EYS: variants seen among roughly 807,000 people sequenced by gnomAD.
The protein encoded by EYS is protein eyes shut homolog.
In EYS, 250 loss-of-function variants were observed where a neutral mutation model predicts 282.1. That is an observed-to-expected ratio of 0.89 (90% CI 0.80 to 0.98). The LOEUF (loss-of-function observed/expected upper bound fraction) is 0.98. Among genes scored for constraint, EYS ranks in the 50% least tolerant of loss-of-function variants. EYS has a pLI of 0.00. For synonymous variants in EYS, 1,355 were observed against 1,282.9 expected, an observed-to-expected ratio of 1.06 and a Z score of -1.20; for missense variants, 4,016 against 3,709.0, an observed-to-expected ratio of 1.08 and a Z score of -2.15.
chr6:65,230,905 T>C (rs1354402608), intron 12 of EYS, among the ~76,000 whole-genome samples: 1 of 151,274 alleles, frequency 6.6e-6, no homozygotes, highest in East Asian at 1.9e-4. Flanking sequence ...GTTTTACTTT[T>C]ACTGGCAGTA....
chr6:64,054,292 G>A (rs1770910173), intron 33 of EYS, among the ~76,000 whole-genome samples: 1 of 152,144 alleles, frequency 6.6e-6, no homozygotes, highest in South Asian at 2.1e-4. Context: ...CTAGCTTTCA[G>A]AAGGTGAATG....
In EYS at chr6:65,405,180, T is replaced by A. The variant is rs373412160; in HGVS notation, c.1050A>T (p.Ile350=). 6.2e-7 allele frequency: 1 copy of A among 1,610,828 alleles called. No individual in the cohort carries two copies. Among genetic ancestry groups the A allele is most frequent in the Non-Finnish European group, 8.5e-7 (1 of 1,177,448 alleles). Residue 350 remains isoleucine, a synonymous_variant, in exon 6 of 43, where the codon ATA becomes ATT. Transcript: ENST00000503581. ...PCQNGTDCIK[I]SNDVMCICSP... ...ATGTTAGATTGAGACTTACATTTGA[T>A]ATTTTGATGCAGTCAGTACCATTCT...
intron 2 of EYS, among the ~76,000 whole-genome samples, chr6:65,509,472 A>G (rs1259853934): frequency 6.6e-6 from 1 of 152,174 alleles, no homozygotes; most frequent in Non-Finnish European, 1.5e-5. Flanking sequence ...AATTATGTCA[A>G]ACATCTTTTT....
At chr6:65,214,158 CAAAAAAAAAAAAAAAAA>C (rs58213904) in intron 12 of EYS, among the ~76,000 whole-genome samples, 12 of 29,254 alleles carry the variant, frequency 4.1e-4, no homozygotes, top group South Asian at 3.3e-3. Context: ...GACTCCGTCT[CAAAAAAAAAAAAAAAAA>C]AAAAAAAAAA....
At chr6:65,592,018 A>G (rs1013944688) in intron 2 of EYS, among the ~76,000 whole-genome samples, 1 of 151,950 alleles carries the variant, frequency 6.6e-6, no homozygotes, top group Non-Finnish European at 1.5e-5. Flanking sequence ...GCAGTAACTT[A>G]TAATCAACTA....
chr6:63,794,161 A>G (rs1451794792), intron 37 of EYS, among the ~76,000 whole-genome samples: 2 of 152,228 alleles, frequency 1.3e-5, no homozygotes, highest in East Asian at 3.8e-4. Flanking sequence ...TCTAAGGATT[A>G]AGTGAGATTT....
In EYS at chr6:64,806,714, G is replaced by GA. The variant is rs982245830; in HGVS notation, c.3443+6663dup. On this transcript the variant is annotated intron_variant, in intron 22 of 42. Coordinates refer to ENST00000503581, the MANE Select transcript of EYS (RefSeq NM_001142800.2). ...AACGACCAAGGAGAATCAAGTCTGG[G>GA]AAAAAAAAATCATATAAGATTAAAG... is the stretch of plus-strand genomic sequence containing the variant. 2.8e-3 allele frequency among the ~76,000 whole-genome samples: 422 copies of GA among 150,426 alleles called. 3 individuals are homozygous for GA. The highest frequency in any genetic ancestry group is 9.4e-3 in the African/African-American group (385 of 41,074).
chr6:64,794,747 T>C (rs551999785), intron 22 of EYS, among the ~76,000 whole-genome samples: 2 of 152,286 alleles, frequency 1.3e-5, no homozygotes, highest in South Asian at 4.1e-4. Context: ...GTGGCCATTG[T>C]TTTTATTCCT....
intron 22 of EYS, among the ~76,000 whole-genome samples, chr6:64,654,818 A>G: frequency 6.6e-6 from 1 of 152,188 alleles, no homozygotes; most frequent in East Asian, 1.9e-4. Context: ...GGACAGCTAT[A>G]CATTATTAAC....
At chr6:64,190,201 A>G (rs1423156510) in intron 31 of EYS, among the ~76,000 whole-genome samples, 1 of 152,188 alleles carries the variant, frequency 6.6e-6, no homozygotes, top group Non-Finnish European at 1.5e-5. Flanking sequence ...CAACCCCTCC[A>G]TAGGAAAGCT....
At chr6:64,427,987 T>C (rs1309398985) in intron 28 of EYS, among the ~76,000 whole-genome samples, 1 of 152,120 alleles carries the variant, frequency 6.6e-6, no homozygotes, top group African/African-American at 2.4e-5. Context: ...CATCTATTGA[T>C]TCAGTAAACT....
At chr6:65,015,091 G>A (rs1771998321) in intron 13 of EYS, among the ~76,000 whole-genome samples, 1 of 152,152 alleles carries the variant, frequency 6.6e-6, no homozygotes, top group East Asian at 1.9e-4. Flanking sequence ...GTCTTCAGAA[G>A]CAACACAACC....
intron 33 of EYS, among the ~76,000 whole-genome samples, chr6:64,026,123 CAG>C (rs1158805018): frequency 6.6e-6 from 1 of 152,088 alleles, no homozygotes; most frequent in African/African-American, 2.4e-5. Flanking sequence ...TCAGTAGGGT[CAG>C]GGACCGTTGT....
At chr6:64,441,138 A>T (rs1774930787) in intron 26 of EYS, among the ~76,000 whole-genome samples, 1 of 152,216 alleles carries the variant, frequency 6.6e-6, no homozygotes, top group Non-Finnish European at 1.5e-5. Flanking sequence ...TTAAGAAGGG[A>T]CAAGACTACG....
At chr6:65,507,590 A>G (rs570582394) in intron 2 of EYS, among the ~76,000 whole-genome samples, 9 of 151,980 alleles carry the variant, frequency 5.9e-5, no homozygotes, top group Non-Finnish European at 1.0e-4. Flanking sequence ...AAATTGTCCC[A>G]CAGTACTTAG....
At chr6:63,772,526 A>T (rs1203038609) in intron 40 of EYS, among the ~76,000 whole-genome samples, 1 of 152,126 alleles carries the variant, frequency 6.6e-6, no homozygotes, top group East Asian at 1.9e-4. Context: ...GTTACCACTA[A>T]CATCAAGACT....
chr6:64,389,456 C>T (rs947881586), intron 28 of EYS, among the ~76,000 whole-genome samples: 3 of 152,146 alleles, frequency 2.0e-5, no homozygotes, highest in African/African-American at 7.2e-5. Flanking sequence ...TTTACTCTAG[C>T]CATATGTTTA....
At chr6:65,443,333 T>TGTGC in intron 5 of EYS, among the ~76,000 whole-genome samples, 1 of 130,062 alleles carries the variant, frequency 7.7e-6, no homozygotes, top group African/African-American at 2.5e-5. Context: ...TATGCATACA[T>TGTGC]GTATGTACAC....
At chr6:64,789,196 T>A (rs1430784129) in intron 22 of EYS, among the ~76,000 whole-genome samples, 1 of 152,236 alleles carries the variant, frequency 6.6e-6, no homozygotes, top group African/African-American at 2.4e-5. Context: ...CAAAGATGAC[T>A]GTTATTTTCC....
Sources: gnomAD v4.1 joint callset for allele counts (sites outside exome capture counted in the v4.1 genomes callset) on GRCh38, gnomAD v4.1.1 for gene constraint, MANE v1.5 for transcripts, NCBI Gene and HGNC (gene_info 2026-07-23, HGNC 2026-07-21) for gene names.